The following WDFY3 variants were observed in gnomAD, a reference collection of about 807,000 sequenced individuals.
WDFY3 encodes WD repeat and FYVE domain containing 3.
Under a neutral mutation model 409.6 loss-of-function variants are expected in WDFY3, and 66 were observed. The ratio of observed to expected loss-of-function variants is 0.16; its 90% confidence interval spans 0.13 to 0.20. The LOEUF is 0.20. Among genes scored for constraint, WDFY3 ranks in the 10% least tolerant of loss-of-function variants. The pLI is 1.00. For synonymous variants in WDFY3, 1,521 were observed against 1,537.1 expected, an observed-to-expected ratio of 0.99 and a Z score of 0.25; for missense variants, 3,031 against 4,298.1, an observed-to-expected ratio of 0.71 and a Z score of 8.24.
chr4:84,817,585 C>A lies in WDFY3; in HGVS notation c.1694G>T (p.Gly565Val). ...TGCACCTCCAAATTCTCGAAAAATT[C>A]CTTGAAGGAAGGAGAAAAAGTCCAA... ...VLLQGSNTNAGIFREFGGARC... is the reference protein window; with the variant it reads ...VLLQGSNTNAVIFREFGGARC... Residue 565 changes from glycine to valine, a missense_variant and splice_region_variant, in exon 13 of 68, where the codon GGA becomes GTA. Coordinates refer to ENST00000295888, the MANE Select transcript of WDFY3 (RefSeq NM_014991.6). 6.3e-7 allele frequency: 1 copy of A among 1,589,308 alleles called. No individual in the cohort carries two copies. The highest frequency in any genetic ancestry group is 1.8e-5 in the Admixed American group (1 of 56,126).
chr4:84,745,715 A>T (rs1379682437), intron 36 of WDFY3, among the ~76,000 whole-genome samples: 1 of 152,174 alleles, frequency 6.6e-6, no homozygotes, highest in Non-Finnish European at 1.5e-5. Flanking sequence ...GAAAAAGTGA[A>T]GAACATCTCA....
chr4:84,753,303 A>G (rs1015450256), intron 35 of WDFY3, among the ~76,000 whole-genome samples: 8 of 152,224 alleles, frequency 5.3e-5, no homozygotes, highest in African/African-American at 1.9e-4. Context: ...TAAATCCAGC[A>G]AATACCTACT....
At position 84,769,926 on chromosome 4, in the gene WDFY3, A is replaced by G. The variant is rs144516781; in HGVS notation, c.4849+2909T>C. Reference sequence around the variant, plus strand: ...CACCACCCTGGTCAATCAGCAGCCAACAATATCCAGAAAACACCCTCCACC... The same window carrying G: ...CACCACCCTGGTCAATCAGCAGCCAGCAATATCCAGAAAACACCCTCCACC... On this transcript the variant is annotated intron_variant, in intron 30 of 67. Coordinates refer to ENST00000295888, the MANE Select transcript of WDFY3 (RefSeq NM_014991.6). 9.6e-3 allele frequency among the ~76,000 whole-genome samples: 1,464 copies of G among 152,284 alleles called. 83 individuals carry two copies. Among genetic ancestry groups the G allele is most frequent in the Admixed American group, 0.083 (1,274 of 15,294 alleles).
rs936516564 is a variant in WDFY3 at position 84,673,126 on chromosome 4, C to T, written c.10458-135G>A. ...TACTGGTTTGTGTTGTGTGGCTGAA[C>T]AAGGACTAAAAGGAAAGCTGTATTA... On this transcript the variant is annotated intron_variant, in intron 67 of 67. Transcript: ENST00000295888. The T allele has an allele frequency of 5.3e-6, 6 of 1,128,894 alleles. No homozygotes were observed. The African/African-American group carries it at 7.9e-5, about 15-fold the overall frequency. 69.9% of individuals were successfully genotyped at this position (1,128,894 alleles called of 1,614,324 possible).
chr4:84,920,816 A>T (rs2150853519), intron 2 of WDFY3, among the ~76,000 whole-genome samples: 1 of 152,278 alleles, frequency 6.6e-6, no homozygotes, highest in Non-Finnish European at 1.5e-5. Context: ...GAATTTCCTA[A>T]GGGAATATCA....
Position 84,679,248 on chromosome 4 carries a change from T to TGAAG in WDFY3, c.9824-10_9824-7dup, listed in dbSNP as rs1012391610. ...CTCGTCTTGGGCTTCCTGCCCTGGG[T>TGAAG]GAAGCATTGAGAGAATTGGAACATA... On this transcript the variant is annotated splice_region_variant and splice_polypyrimidine_tract_variant and intron_variant, in intron 64 of 67. Coordinates refer to ENST00000295888, the MANE Select transcript of WDFY3 (RefSeq NM_014991.6). 9 of 1,498,030 alleles carry TGAAG rather than the reference T, an allele frequency of 6.0e-6. No homozygotes were observed. The African/African-American group carries it at 1.3e-4, about 21-fold the overall frequency. The allele number at this position is 1,498,030 out of a possible 1,614,324, so 92.8% of individuals were successfully genotyped here.
chr4:84,790,195 C>A (rs1027548880), intron 21 of WDFY3, among the ~76,000 whole-genome samples: 1 of 151,736 alleles, frequency 6.6e-6, no homozygotes, highest in Non-Finnish European at 1.5e-5. Context: ...ACTAAAAACA[C>A]AAAAATTAGC....
intron 7 of WDFY3, 88 bp from the exon 8 acceptor site, chr4:84,831,693 G>A: frequency 8.3e-7 from 1 of 1,209,052 alleles, no homozygotes. Context: ...TGAATGGACT[G>A]CTCTCAAAAG....
intron 13 of WDFY3, among the ~76,000 whole-genome samples, chr4:84,811,572 A>G (rs1395205662): frequency 1.3e-5 from 2 of 152,178 alleles, no homozygotes; most frequent in African/African-American, 4.8e-5. Context: ...CTTAATCATG[A>G]CATTATGCCC....
At chr4:84,859,345 A>G (rs1760223146) in intron 4 of WDFY3, among the ~76,000 whole-genome samples, 1 of 152,150 alleles carries the variant, frequency 6.6e-6, no homozygotes, top group South Asian at 2.1e-4. Context: ...GTATGTATGT[A>G]TGTATGTACA....
Position 84,850,926 on chromosome 4 carries a change from CTGTTTTTTTTTTTTT to C in WDFY3, c.181-916_181-902del, listed in dbSNP as rs1758855031. Among the ~76,000 whole-genome samples, 17 of 32,148 alleles carry C rather than the reference CTGTTTTTTTTTTTTT, an allele frequency of 5.3e-4. 1 individual carries two copies. Among genetic ancestry groups the C allele is most frequent in the African/African-American group, 1.3e-3 (11 of 8,232 alleles). 21.1% of individuals were successfully genotyped at this position (32,148 alleles called of 152,430 possible). On this transcript the variant is annotated intron_variant, in intron 4 of 67. Transcript: ENST00000295888. ...AATTCTTATTTTTAATTTTATTTAT[CTGTTTTTTTTTTTTT>C]TTTTTTTTTTTTTTTTTTTTTTTTT...
intron 37 of WDFY3, among the ~76,000 whole-genome samples, chr4:84,743,401 C>G (rs1247754243): frequency 6.6e-6 from 1 of 152,042 alleles, no homozygotes; most frequent in Non-Finnish European, 1.5e-5. Flanking sequence ...TATTGTACAC[C>G]TATGTGGTCC....
At chr4:84,763,273 C>G (rs1743020737) in intron 32 of WDFY3, among the ~76,000 whole-genome samples, 1 of 152,028 alleles carries the variant, frequency 6.6e-6, no homozygotes, top group Admixed American at 6.6e-5. Flanking sequence ...AGCAAACTAA[C>G]ACAGGAACAG....
At chr4:84,960,633 T>C (rs946156287) in intron 1 of WDFY3, among the ~76,000 whole-genome samples, 1 of 152,130 alleles carries the variant, frequency 6.6e-6, no homozygotes, top group African/African-American at 2.4e-5. Flanking sequence ...ACTATGTATT[T>C]TACAAGGTAC....
At chr4:84,852,223 T>C (rs1759131241) in intron 4 of WDFY3, among the ~76,000 whole-genome samples, 1 of 152,220 alleles carries the variant, frequency 6.6e-6, no homozygotes, top group African/African-American at 2.4e-5. Flanking sequence ...ATTGGGCAGG[T>C]GGCCCATAAA....
intron 34 of WDFY3, among the ~76,000 whole-genome samples, chr4:84,754,127 C>T (rs1173373073): frequency 1.3e-5 from 2 of 152,024 alleles, no homozygotes; most frequent in Non-Finnish European, 2.9e-5. Context: ...CGCAGGTCTG[C>T]TAACTAGAAT....
At chr4:84,737,601 A>G (rs537378175) in intron 40 of WDFY3, among the ~76,000 whole-genome samples, 24 of 152,228 alleles carry the variant, frequency 1.6e-4, no homozygotes, top group African/African-American at 5.8e-4. Flanking sequence ...ACAAAAGAAC[A>G]TTTTTATTTA....
At chr4:84,797,163 G>A (rs1006871202) in intron 18 of WDFY3, among the ~76,000 whole-genome samples, 30 of 151,992 alleles carry the variant, frequency 2.0e-4, no homozygotes, top group Non-Finnish European at 1.9e-4. Context: ...AAAAGAAATA[G>A]GTCATCTTTA....
chr4:84,766,462 A>G (rs935698584), intron 30 of WDFY3, 90 bp from the exon 31 acceptor site: 33 of 1,298,718 alleles, frequency 2.5e-5, no homozygotes, highest in Non-Finnish European at 3.5e-5. Context: ...ACTGAAAAAT[A>G]TATCTTTTAG....
Sources: gnomAD v4.1 joint callset for allele counts (sites outside exome capture counted in the v4.1 genomes callset) on GRCh38, gnomAD v4.1.1 for gene constraint, MANE v1.5 for transcripts, NCBI Gene and HGNC (gene_info 2026-07-23, HGNC 2026-07-21) for gene names.